Variants in FMNL3 observed in about 807,000 individuals in gnomAD.
FMNL3 encodes formin like 3.
FMNL3 carries 57 observed loss-of-function variants against 119.6 expected under a neutral mutation model. The observed-to-expected ratio is 0.48, with a 90% confidence interval of 0.39 to 0.59. The LOEUF (loss-of-function observed/expected upper bound fraction) is 0.59, where lower values mean the gene tolerates loss of function less well. FMNL3 is among the 20% of genes least tolerant of loss of function. The pLI is 0.00. For missense variants in FMNL3, 1,053 were observed against 1,323.5 expected (o/e 0.80, Z 3.17); for synonymous variants, 491 against 507.3 (o/e 0.97, Z 0.43).
Position 49,707,202 on chromosome 12 carries a change from G to T in FMNL3, c.-22C>A. 1 of 1,497,152 alleles carries T rather than the reference G, an allele frequency of 6.7e-7. No individual in the cohort carries two copies. 92.7% of individuals were successfully genotyped at this position (1,497,152 alleles called of 1,614,324 possible). ...CCATCGCGGCGGGGCCCCCTCAGGG[G>T]CCTCGGCCCCCCACCTCCACGCTCC... On this transcript the variant is annotated 5_prime_UTR_variant, in exon 1 of 26. Transcript: ENST00000335154.
At chr12:49,685,050 A>G (rs1565890865) in intron 1 of FMNL3, among the ~76,000 whole-genome samples, 1 of 152,174 alleles carries the variant, frequency 6.6e-6, no homozygotes, top group Non-Finnish European at 1.5e-5. Context: ...AAATGAGAGG[A>G]GTATGTGATC....
intron 7 of FMNL3, 25 bp from the exon 8 acceptor site, chr12:49,656,924 G>C: frequency 6.2e-7 from 1 of 1,605,250 alleles, no homozygotes; most frequent in Admixed American, 1.7e-5. Flanking sequence ...ACAGAAGGAG[G>C]GGACCTTGAT....
intron 5 of FMNL3, chr12:49,659,921 C>T: frequency 1.1e-5 from 11 of 985,460 alleles, no homozygotes; most frequent in Non-Finnish European, 1.1e-5. Context: ...AAGCATTCTG[C>T]TCAGACATGG....
chr12:49,644,523 A>G lies in FMNL3; in HGVS notation c.*1292T>C. 1 of 352,834 alleles carries G rather than the reference A, an allele frequency of 2.8e-6. No homozygotes were observed. Among genetic ancestry groups the G allele is most frequent in the South Asian group, 2.9e-5 (1 of 34,580 alleles). 21.9% of individuals were successfully genotyped at this position (352,834 alleles called of 1,614,324 possible). ...GGCTGTTGGACGCAGCCTGGGTGGC[A>G]GAGGGCAGGGTCATCACCCTCTAGC... On this transcript the variant is annotated 3_prime_UTR_variant, in exon 26 of 26. Coordinates refer to ENST00000335154, the MANE Select transcript of FMNL3 (RefSeq NM_175736.5).
chr12:49,651,948 G>A lies in FMNL3; in HGVS notation c.1588C>T (p.Pro530Ser). The stretch of plus-strand genomic sequence containing the variant: ...TCGTGGTTACCTGGTAATGGGGGAG[G>A]TGGAGGGGGCAAGGGCGGAGCTGGT... ...PPPAPPLPPP[P>S]PPLPDKCPPA... Residue 530 changes from proline (P) to serine (S), a missense_variant, in exon 14 of 26, where the codon CCT becomes TCT. Pro to Ser is a moderately conservative substitution (Grantham distance 74, BLOSUM62 -1). Coordinates refer to ENST00000335154, the MANE Select transcript of FMNL3 (RefSeq NM_175736.5). 6.3e-7 allele frequency: 1 copy of A among 1,594,678 alleles called. No homozygotes were observed. The highest frequency in any genetic ancestry group is 8.6e-7 in the Non-Finnish European group (1 of 1,168,342).
At chr12:49,691,761 C>T (rs1487378658) in intron 1 of FMNL3, among the ~76,000 whole-genome samples, 6 of 151,904 alleles carry the variant, frequency 3.9e-5, no homozygotes. Flanking sequence ...TGGCCAGGTG[C>T]GGTGGCTCAC....
chr12:49,701,800 T>C (rs529515401), intron 1 of FMNL3, among the ~76,000 whole-genome samples: 112 of 152,186 alleles, frequency 7.4e-4, no homozygotes, highest in African/African-American at 2.6e-3. Flanking sequence ...GGCAGGCGCC[T>C]GTCATCCCAG....
In FMNL3 at chr12:49,648,181, C is replaced by T. The variant is rs1943271929; in HGVS notation, c.2676+12G>A. 9.3e-6 allele frequency: 15 copies of T among 1,609,610 alleles called. No homozygotes were observed. The highest frequency in any genetic ancestry group is 2.2e-5 in the East Asian group (1 of 44,734). On this transcript the variant is annotated intron_variant, in intron 22 of 25. Coordinates refer to ENST00000335154, the MANE Select transcript of FMNL3 (RefSeq NM_175736.5). ...GCCCTGGTTGCTCCCACCGCCTGCA[C>T]CCCGTGCTTGCCTCAGCCGTCTTGG... is the stretch of plus-strand genomic sequence containing the variant.
chr12:49,672,260 A>G (rs985267433), intron 1 of FMNL3, among the ~76,000 whole-genome samples: 1 of 151,618 alleles, frequency 6.6e-6, no homozygotes, highest in Non-Finnish European at 1.5e-5. Flanking sequence ...CTCTAAGACT[A>G]GGCGCCAATT....
Position 49,643,124 on chromosome 12 carries a change from C to T in FMNL3, c.*2691G>A. ...TCCCTTGGAGGGAAGTTTGAGGATT[C>T]CTTTGGCCCTGGGTCCTCCTCCTCT... is the stretch of plus-strand genomic sequence containing the variant. On this transcript the variant is annotated 3_prime_UTR_variant, in exon 26 of 26. Coordinates refer to ENST00000335154, the MANE Select transcript of FMNL3 (RefSeq NM_175736.5). 1.3e-6 allele frequency: 2 copies of T among 1,584,926 alleles called. No homozygotes were observed. Among genetic ancestry groups the T allele is most frequent in the African/African-American group, 2.7e-5 (2 of 74,268 alleles).
Position 49,647,565 on chromosome 12 carries a change from G to T in FMNL3, c.2778+138C>A. Reference sequence around the variant, plus strand: ...CTGCCCACCAGTTCACAGCTAAGAGGCCTGTCACCAGCTTGCATCGCTCCC... The same window carrying T: ...CTGCCCACCAGTTCACAGCTAAGAGTCCTGTCACCAGCTTGCATCGCTCCC... On this transcript the variant is annotated intron_variant, in intron 23 of 25. Coordinates refer to ENST00000335154, the MANE Select transcript of FMNL3 (RefSeq NM_175736.5). This position sits in a 1 kb window ranked among gnomAD's most constrained non-coding sequence, Gnocchi z 4.9. The T allele has an allele frequency of 1.1e-6, 1 of 904,456 alleles. No individual in the cohort carries two copies. Among genetic ancestry groups the T allele is most frequent in the Non-Finnish European group, 1.7e-6 (1 of 578,468 alleles). 56.0% of individuals were successfully genotyped at this position (904,456 alleles called of 1,614,324 possible).
chr12:49,646,613 G>A (rs984681415), intron 25 of FMNL3: 1 of 1,459,136 alleles, frequency 6.9e-7, no homozygotes, highest in Admixed American at 2.4e-5. Flanking sequence ...CGGGCATGCA[G>A]AGGGGGCAGC....
intron 1 of FMNL3, among the ~76,000 whole-genome samples, chr12:49,672,637 G>C (rs1412537744): frequency 6.6e-6 from 1 of 152,188 alleles, no homozygotes; most frequent in Non-Finnish European, 1.5e-5. Context: ...CCCCAGTCAA[G>C]CCAAGGAGGG....
In FMNL3 at chr12:49,656,832, T is replaced by C; in HGVS notation, c.782A>G (p.Lys261Arg). 1 of 1,613,978 alleles carries C rather than the reference T, an allele frequency of 6.2e-7. No individual in the cohort carries two copies. Among genetic ancestry groups the C allele is most frequent in the Non-Finnish European group, 8.5e-7 (1 of 1,179,852 alleles). ...GAGGGAAGGAACTCACCTTGGATTC[T>C]TGTTATTGAGGCTAAGTGCAATCTC... is the stretch of plus-strand genomic sequence containing the variant. ...VNEIALSLNN[K>R]NPRTKALVLE... Residue 261 changes from lysine (K) to arginine (R), a missense_variant, in exon 8 of 26, where the codon AAG becomes AGG. By Grantham distance (26) the Lys-to-Arg change is conservative. Transcript: ENST00000335154.
At chr12:49,658,353 G>A (rs1395979088) in intron 6 of FMNL3, 89 bp downstream of exon 6, 4 of 1,476,226 alleles carry the variant, frequency 2.7e-6, no homozygotes, top group African/African-American at 1.4e-5. Context: ...CAAGAGTGGA[G>A]GGAGGAGCAT....
At chr12:49,675,315 C>G (rs1057199110) in intron 1 of FMNL3, among the ~76,000 whole-genome samples, 1 of 152,222 alleles carries the variant, frequency 6.6e-6, no homozygotes, top group African/African-American at 2.4e-5. Context: ...GGCCCCTCCT[C>G]GTGGTTAGCC....
chr12:49,649,941 G>C lies in FMNL3; in HGVS notation c.2001-16C>G. The C allele has an allele frequency of 6.2e-7, 1 of 1,602,206 alleles. No individual in the cohort carries two copies. The highest frequency in any genetic ancestry group is 1.1e-5 in the South Asian group (1 of 90,518). On this transcript the variant is annotated splice_polypyrimidine_tract_variant and intron_variant, in intron 17 of 25. Coordinates refer to ENST00000335154, the MANE Select transcript of FMNL3 (RefSeq NM_175736.5). This position sits in a 1 kb window ranked among gnomAD's most constrained non-coding sequence, Gnocchi z 5.6. ...CAAGTCAAACCTGTGGAGGAGGGAG[G>C]GACCACCTCAGTTCTCACATCTCTC...
Position 49,642,207 on chromosome 12 carries a change from C to T in FMNL3, c.*3608G>A. On this transcript the variant is annotated 3_prime_UTR_variant, in exon 26 of 26. Transcript: ENST00000335154. This position sits in a 1 kb window ranked among gnomAD's most constrained non-coding sequence, Gnocchi z 5.8. ...ACCTGGCATCCACCCTCCTGGGTGA[C>T]CCTGTTCCGTGTCCCTTCTTTCCTC... 1.2e-6 allele frequency: 2 copies of T among 1,614,098 alleles called. No homozygotes were observed. Among genetic ancestry groups the T allele is most frequent in the East Asian group, 4.5e-5 (2 of 44,886 alleles).
chr12:49,649,389 C>T lies in FMNL3; in HGVS notation c.2305-50G>A, dbSNP rs775025626. The T allele has an allele frequency of 1.2e-6, 2 of 1,613,634 alleles. No individual in the cohort carries two copies. Among genetic ancestry groups the T allele is most frequent in the Admixed American group, 3.3e-5 (2 of 60,016 alleles). On this transcript the variant is annotated intron_variant, in intron 19 of 25. Transcript: ENST00000335154. The surrounding 1 kb of genome is among the most constrained non-coding windows in gnomAD (Gnocchi z 5.6). Reference sequence around the variant, plus strand: ...AGGTCAGGCTCAGGTCCTGAAGGCTCCTTCTTCCTCTCTGTATAGCCCCAG... The same window carrying T: ...AGGTCAGGCTCAGGTCCTGAAGGCTTCTTCTTCCTCTCTGTATAGCCCCAG...
Sources: allele counts gnomAD v4.1 joint callset (sites outside exome capture counted in the v4.1 genomes callset), GRCh38; gene constraint gnomAD v4.1.1; non-coding constraint Gnocchi (gnomAD v3.1); transcripts MANE v1.5; gene names NCBI Gene and HGNC (gene_info 2026-07-23, HGNC 2026-07-21).